DNAH8: variants seen among roughly 807,000 people sequenced by gnomAD.
DNAH8 encodes dynein axonemal heavy chain 8, also known as axonemal beta dynein heavy chain 8.
DNAH8 carries 382 observed loss-of-function variants against 562.1 expected under a neutral mutation model. That is an observed-to-expected ratio of 0.68 (90% CI 0.63 to 0.74). The LOEUF (loss-of-function observed/expected upper bound fraction) is 0.74. Among genes scored for constraint, DNAH8 ranks in the 30% least tolerant of loss-of-function variants. The pLI is 0.00. For synonymous variants in DNAH8, 1,881 were observed against 1,919.4 expected, an observed-to-expected ratio of 0.98 and a Z score of 0.52; for missense variants, 5,203 against 5,620.4, an observed-to-expected ratio of 0.93 and a Z score of 2.37.
rs117254895 is a variant in DNAH8, at chr6:38,884,206, A to T, written c.8259+208A>T. On this transcript the variant is annotated intron_variant, in intron 56 of 92. Coordinates refer to ENST00000327475, the MANE Select transcript of DNAH8 (RefSeq NM_001206927.2). ...TTTTTTTGTTTTTGTTTTTTTATTA[A>T]ACTTTAAGTTTTAGGGTACATGTGC... Among the ~76,000 whole-genome samples the T allele has an allele frequency of 0.01, 1,565 of 151,582 alleles. 89 individuals carry two copies. The East Asian group carries it at 0.15, about 14-fold the overall frequency.
intron 88 of DNAH8, among the ~76,000 whole-genome samples, chr6:38,999,979 A>G (rs1765380445): frequency 6.6e-6 from 1 of 152,068 alleles, no homozygotes; most frequent in African/African-American, 2.4e-5. Flanking sequence ...AAATAAAAAA[A>G]CAATAATAAC....
chr6:38,801,586 C>T (rs1770781888), intron 21 of DNAH8, among the ~76,000 whole-genome samples: 1 of 152,198 alleles, frequency 6.6e-6, no homozygotes, highest in Non-Finnish European at 1.5e-5. Context: ...ACTTATTTTC[C>T]CTGTTAGACT....
At chr6:38,746,692 G>A (rs1207004880) in intron 8 of DNAH8, among the ~76,000 whole-genome samples, 3 of 152,184 alleles carry the variant, frequency 2.0e-5, no homozygotes, top group Non-Finnish European at 4.4e-5. Context: ...ACTTTGGGAG[G>A]CCGAGGTGGG....
Position 39,026,579 on chromosome 6 carries a change from G to A in DNAH8, c.13748G>A (p.Arg4583His), listed in dbSNP as rs139227429. Residue 4583 changes from arginine to histidine, a missense_variant, in exon 92 of 93, where the codon CGT becomes CAT. Physicochemically the swap from Arg to His is conservative, Grantham distance 29 (BLOSUM62 0). Around this residue, in one of 6 missense-constraint regions of DNAH8, gnomAD observed 1,399 missense variants for 1,518.4 expected, o/e 0.92. Coordinates refer to ENST00000327475, the MANE Select transcript of DNAH8 (RefSeq NM_001206927.2). Reference protein sequence around the residue: ...FLTAMRQEVTRAHKGWALDTV... With the variant: ...FLTAMRQEVTHAHKGWALDTV... Reference sequence around the variant, plus strand: ...ACAGCAATGAGGCAAGAAGTGACCCGTGCCCACAAAGGCTGGGCACTGGAC... The same window carrying A: ...ACAGCAATGAGGCAAGAAGTGACCCATGCCCACAAAGGCTGGGCACTGGAC... 6.6e-5 allele frequency: 106 copies of A among 1,612,966 alleles called. No homozygotes were observed. Among genetic ancestry groups the A allele is most frequent in the Admixed American group, 5.0e-5 (3 of 59,980 alleles).
At chr6:38,979,509 A>T (rs1463048346) in intron 85 of DNAH8, among the ~76,000 whole-genome samples, 3 of 152,188 alleles carry the variant, frequency 2.0e-5, no homozygotes, top group Admixed American at 6.5e-5. Context: ...AAGGTAATTT[A>T]AAAAAATAGC....
intron 58 of DNAH8, among the ~76,000 whole-genome samples, chr6:38,893,707 G>A (rs1233312034): frequency 1.3e-5 from 2 of 152,082 alleles, no homozygotes; most frequent in Admixed American, 1.3e-4. Flanking sequence ...GTTTTAAATA[G>A]CACTGTGAAT....
chr6:38,748,809 T>A (rs1168049341), intron 8 of DNAH8, among the ~76,000 whole-genome samples: 1 of 145,686 alleles, frequency 6.9e-6, no homozygotes, highest in African/African-American at 2.5e-5. Flanking sequence ...TTATTGAGAA[T>A]AGGTTAAAAA....
In DNAH8 at chr6:38,945,499, C is replaced by G; in HGVS notation, c.12040C>G (p.Pro4014Ala). ...GAALDLKACP[P>A]KPYRWILDMT... Reference sequence around the variant, plus strand: ...AGCTCTGGACCTGAAAGCCTGTCCTCCCAAACCCTATCGCTGGATCCTTGA... The same window carrying G: ...AGCTCTGGACCTGAAAGCCTGTCCTGCCAAACCCTATCGCTGGATCCTTGA... The change falls in exon 80 of 93, where the codon CCC becomes GCC. Residue 4014 changes from proline (P) to alanine (A), a missense_variant. Pro to Ala is a conservative substitution (Grantham distance 27). Transcript: ENST00000327475. 1 of 1,614,172 alleles carries G rather than the reference C, an allele frequency of 6.2e-7. No homozygotes were observed. The highest frequency in any genetic ancestry group is 8.5e-7 in the Non-Finnish European group (1 of 1,180,024).
Position 38,722,929 on chromosome 6 carries a change from G to A in DNAH8, c.120G>A (p.Glu40=), listed in dbSNP as rs1248099376. 11 of 1,612,412 alleles carry A rather than the reference G, an allele frequency of 6.8e-6. No individual in the cohort carries two copies. In the Admixed American group the frequency reaches 1.7e-4, roughly 24 times the overall value. Residue 40 remains glutamate (E), a synonymous_variant, in exon 2 of 93, where the codon GAG becomes GAA. Transcript: ENST00000327475. Reference sequence around the variant, plus strand: ...AGGCCCCGCGCCCTCCGACAGTGGAGGCCCCGGCAGAAGATGGTTTCTCTC... The same window carrying A: ...AGGCCCCGCGCCCTCCGACAGTGGAAGCCCCGGCAGAAGATGGTTTCTCTC... ...EEEAPRPPTV[E]APAEDGFSPS... is the part of the protein sequence containing the mutation.
intron 75 of DNAH8, chr6:38,931,470 C>G (rs544370866): frequency 6.4e-6 from 1 of 155,760 alleles, no homozygotes; most frequent in Non-Finnish European, 1.4e-5. Flanking sequence ...GGCTCCTGTA[C>G]TACAAACAAT....
chr6:38,929,324 TTCAACAAAATCATGAC>T, intron 74 of DNAH8, 171 bp from the exon 75 acceptor site: 1 of 523,766 alleles, frequency 1.9e-6, no homozygotes, highest in Non-Finnish European at 3.3e-6. Context: ...CTAGACCCCA[TTCAACAAAATCATGAC>T]TCACCAAGTT....
chr6:38,782,225 C>T (rs942261280), intron 16 of DNAH8, among the ~76,000 whole-genome samples: 21 of 151,702 alleles, frequency 1.4e-4, no homozygotes, highest in African/African-American at 2.2e-4. Flanking sequence ...ACATGTGAAT[C>T]GAAACCTAAA....
At chr6:38,931,446 G>A (rs541898622) in intron 75 of DNAH8, 1 of 153,668 alleles carries the variant, frequency 6.5e-6, no homozygotes, top group African/African-American at 2.4e-5. Flanking sequence ...TTTCTTAACT[G>A]GAGAAAAAAT....
chr6:38,908,446 T>A (rs1177579395), intron 64 of DNAH8, among the ~76,000 whole-genome samples: 1 of 152,234 alleles, frequency 6.6e-6, no homozygotes, highest in East Asian at 1.9e-4. Context: ...TACTATAATG[T>A]CTCTGATGTA....
At chr6:38,912,462 C>A (rs2150533141) in intron 66 of DNAH8, among the ~76,000 whole-genome samples, 1 of 152,170 alleles carries the variant, frequency 6.6e-6, no homozygotes, top group Middle Eastern at 3.4e-3. Flanking sequence ...GGGACCCTGT[C>A]TCAAGAAAAA....
rs1765343700 is a variant in DNAH8, at chr6:38,750,472, T to A, written c.1294-4T>A. 6.3e-7 allele frequency: 1 copy of A among 1,599,546 alleles called. No homozygotes were observed. The highest frequency in any genetic ancestry group is 8.5e-7 in the Non-Finnish European group (1 of 1,170,652). On this transcript the variant is annotated splice_region_variant and splice_polypyrimidine_tract_variant and intron_variant, in intron 8 of 92. Transcript: ENST00000327475. ...CATAGAATTCTTATACCTTTTTTTC[T>A]TAGAATTGGCGTGATTTGGATGCAA... is the stretch of plus-strand genomic sequence containing the variant.
rs142703670 is a variant in DNAH8 at position 38,917,032 on chromosome 6, G to A, written c.10141-207G>A. On this transcript the variant is annotated intron_variant, in intron 68 of 92. Transcript: ENST00000327475. ...TGTTAGTGATATTTTAAACCAATTC[G>A]TTGGGAGCAACAGGGAAAAGAAGAA... is the stretch of plus-strand genomic sequence containing the variant. Among the ~76,000 whole-genome samples, 1,174 of 152,198 alleles carry A rather than the reference G, an allele frequency of 7.7e-3. 4 individuals are homozygous for A. Among genetic ancestry groups the A allele is most frequent in the Non-Finnish European group, 0.012 (808 of 68,010 alleles).
chr6:38,840,355 T>A (rs1402352355), intron 33 of DNAH8, among the ~76,000 whole-genome samples: 1 of 152,286 alleles, frequency 6.6e-6, no homozygotes, highest in Non-Finnish European at 1.5e-5. Context: ...TTCTAAATCA[T>A]CTATTTCCTT....
intron 86 of DNAH8, 64 bp from the exon 87 acceptor site, chr6:38,984,142 C>A: frequency 1.1e-6 from 1 of 951,550 alleles, no homozygotes. Flanking sequence ...AGGGAAAGAC[C>A]CGAAATGTTT....
Sources: allele counts gnomAD v4.1 joint callset (sites outside exome capture counted in the v4.1 genomes callset), GRCh38; gene constraint gnomAD v4.1.1; regional missense constraint gnomAD v4.1.1; transcripts MANE v1.5; gene names NCBI Gene and HGNC (gene_info 2026-07-23, HGNC 2026-07-21).